The following ZNF468 variants were observed in gnomAD, a reference collection of about 807,000 sequenced individuals.
ZNF468 encodes zinc finger protein ZNF468.
Under a neutral mutation model 7.2 loss-of-function variants are expected in ZNF468, and 8 were observed. The observed-to-expected ratio is 1.11, with a 90% CI of 0.65 to 2.01. ZNF468 has a LOEUF of 2.01. Among genes scored for constraint, ZNF468 ranks in the 30% most tolerant of loss-of-function variants. The pLI, the probability that ZNF468 is intolerant of heterozygous loss-of-function variation, is 0.00. For synonymous variants in ZNF468, 218 were observed against 214.4 expected (o/e 1.02, Z -0.15); for missense variants, 608 against 626.5 (o/e 0.97, Z 0.31).
Position 52,841,668 on chromosome 19 carries a change from T to G in ZNF468, c.626A>C (p.His209Pro). ...SSLLTQKWEVHMREKSFECIQ... is the reference protein window; with the variant it reads ...SSLLTQKWEVPMREKSFECIQ... ...ACATTCAAAAGATTTTTCTCTCATG[T>G]GTACTTCCCATTTTTGTGTGAGTAA... The change falls in exon 4 of 4, where the codon CAC becomes CCC. Residue 209 changes from histidine to proline, a missense_variant. Transcript: ENST00000595646. 6.2e-7 allele frequency: 1 copy of G among 1,614,144 alleles called. No homozygotes were observed. The highest frequency in any genetic ancestry group is 8.5e-7 in the Non-Finnish European group (1 of 1,180,028).
intron 2 of ZNF468, among the ~76,000 whole-genome samples, chr19:52,851,587 T>A (rs1001306375): frequency 7.9e-5 from 12 of 150,954 alleles, no homozygotes; most frequent in South Asian, 2.1e-4. Flanking sequence ...AAATAAAAAT[T>A]AAAATTAATC....
At chr19:52,855,100 C>T (rs1168261819) in intron 1 of ZNF468, among the ~76,000 whole-genome samples, 1 of 151,730 alleles carries the variant, frequency 6.6e-6, no homozygotes, top group Non-Finnish European at 1.5e-5. Context: ...ATTGCTTGAA[C>T]CCAGGAGATA....
Position 52,840,393 on chromosome 19 carries a change from AG to A in ZNF468, c.*331del. 4.3e-6 allele frequency: 2 copies of A among 462,598 alleles called. No individual in the cohort carries two copies. The allele number at this position is 462,598 out of a possible 1,614,324, so 28.7% of individuals were successfully genotyped here. On this transcript the variant is annotated 3_prime_UTR_variant, in exon 4 of 4. Coordinates refer to ENST00000595646, the MANE Select transcript of ZNF468 (RefSeq NM_001008801.2). The stretch of plus-strand genomic sequence containing the variant: ...TGCCACACTCATTACACTTATAATG[AG>A]TTTCTCTCCAGTGTGAATTCTAGTA...
At chr19:52,853,955 A>C in intron 2 of ZNF468, 1 of 1,425,720 alleles carries the variant, frequency 7.0e-7, no homozygotes, top group Non-Finnish European at 9.1e-7. Context: ...GTGCATCCAG[A>C]TGTGGCCCCT....
At chr19:52,842,499 C>T (rs972918163) in intron 3 of ZNF468, among the ~76,000 whole-genome samples, 11 of 152,040 alleles carry the variant, frequency 7.2e-5, no homozygotes, top group Admixed American at 5.9e-4. Context: ...ATATATTCTC[C>T]ATATTTACAG....
chr19:52,853,844 C>T, intron 2 of ZNF468: 2 of 1,211,316 alleles, frequency 1.7e-6, no homozygotes, highest in South Asian at 3.6e-5. Flanking sequence ...AAGATTTTCC[C>T]TTATTGGTCT....
chr19:52,855,352 A>G (rs1358763440), intron 1 of ZNF468, among the ~76,000 whole-genome samples: 1 of 152,220 alleles, frequency 6.6e-6, no homozygotes, highest in Non-Finnish European at 1.5e-5. Flanking sequence ...TCATTTAGAA[A>G]CATTGAATAA....
At chr19:52,842,535 C>T (rs927279136) in intron 3 of ZNF468, among the ~76,000 whole-genome samples, 4 of 151,532 alleles carry the variant, frequency 2.6e-5, no homozygotes, top group African/African-American at 9.7e-5. Context: ...CAAATAAATG[C>T]TAAAGAACCA....
chr19:52,839,811 C>A lies in ZNF468; in HGVS notation c.*914G>T. The A allele has an allele frequency of 1.9e-6, 1 of 513,360 alleles. No individual in the cohort carries two copies. The highest frequency in any genetic ancestry group is 1.6e-5 in the South Asian group (1 of 62,608). 31.8% of individuals were successfully genotyped at this position (513,360 alleles called of 1,614,324 possible). A position where few individuals can be genotyped will look rare whatever the true frequency, so the allele number is the denominator to read the frequency against. On this transcript the variant is annotated 3_prime_UTR_variant, in exon 4 of 4. Transcript: ENST00000595646. ...ATAAGGTTTCTCTCCAGCATGAGTTCACCAGTGAAATGCAAGGCATGAACG... is the reference window on the plus strand; with the variant it reads ...ATAAGGTTTCTCTCCAGCATGAGTTAACCAGTGAAATGCAAGGCATGAACG...
rs572920298 is a variant in ZNF468 at position 52,839,950 on chromosome 19, T to C, written c.*775A>G. On this transcript the variant is annotated 3_prime_UTR_variant, in exon 4 of 4. Transcript: ENST00000595646. ...GAAAACTTTGTGACAATCATTACAT[T>C]AGTCAAGTTTCCCTATACCATGGAT... The C allele has an allele frequency of 2.6e-6, 3 of 1,153,186 alleles. No individual in the cohort carries two copies. Among genetic ancestry groups the C allele is most frequent in the South Asian group, 2.7e-5 (2 of 75,156 alleles). The allele number at this position is 1,153,186 out of a possible 1,614,324, so 71.4% of individuals were successfully genotyped here.
intron 3 of ZNF468, among the ~76,000 whole-genome samples, chr19:52,846,864 G>T (rs1317146828): frequency 6.6e-6 from 1 of 152,046 alleles, no homozygotes; most frequent in Non-Finnish European, 1.5e-5. Context: ...AGCTGTGCAT[G>T]GTGGTGTGCG....
intron 2 of ZNF468, chr19:52,853,829 G>A: frequency 8.4e-7 from 1 of 1,195,958 alleles, no homozygotes. Context: ...TAAAATCAGG[G>A]AGAAAAGATT....
At chr19:52,845,753 C>T (rs2063337332) in intron 3 of ZNF468, among the ~76,000 whole-genome samples, 2 of 152,100 alleles carry the variant, frequency 1.3e-5, no homozygotes, top group East Asian at 3.9e-4. Flanking sequence ...TCCTGTAATC[C>T]CAGCACTTTG....
At chr19:52,845,210 AGGAGAATTGCTTGAACCTGGGAAGT>A (rs1291252160) in intron 3 of ZNF468, 3 of 152,144 alleles carry the variant, frequency 2.0e-5, no homozygotes, top group Admixed American at 6.6e-5. Context: ...AGGCTGAGGC[AGGAGAATTGCTTGAACCTGGGAAGT>A]GGAGGTTGCA....
At chr19:52,854,074 C>G (rs755760525) in intron 2 of ZNF468, 184 bp downstream of exon 2, 2 of 1,519,608 alleles carry the variant, frequency 1.3e-6, no homozygotes, top group Non-Finnish European at 1.8e-6. Flanking sequence ...AGCCTCTTCC[C>G]AAGTTCATGA....
intron 2 of ZNF468, among the ~76,000 whole-genome samples, chr19:52,852,838 ATTTT>A (rs1208100063): frequency 6.8e-6 from 1 of 146,656 alleles, no homozygotes; most frequent in Non-Finnish European, 1.5e-5. Context: ...AATATATAAA[ATTTT>A]TTTTTAATTT....
chr19:52,848,919 T>C (rs572756707), intron 3 of ZNF468, among the ~76,000 whole-genome samples, 168 bp downstream of exon 3: 151 of 152,096 alleles, frequency 9.9e-4, no homozygotes, highest in Non-Finnish European at 1.7e-3. Context: ...ATGCAGAACA[T>C]CTAAACAAAG....
intron 2 of ZNF468, among the ~76,000 whole-genome samples, chr19:52,850,699 A>G (rs931059812): frequency 3.3e-5 from 5 of 152,012 alleles, no homozygotes; most frequent in Non-Finnish European, 7.4e-5. Flanking sequence ...GGAGATCGAG[A>G]CCATCCTGGC....
rs796963949 is a variant in ZNF468, at chr19:52,850,802, G to A, written c.16-1589C>T. 5.7e-3 allele frequency among the ~76,000 whole-genome samples: 866 copies of A among 151,900 alleles called. 8 individuals carry two copies. Among genetic ancestry groups the A allele is most frequent in the African/African-American group, 0.02 (830 of 41,370 alleles). ...TAGTCCCAGCTACTCGGGAGGCTGA[G>A]GCAGGAGAATGGCGTGAACCCGGGA... On this transcript the variant is annotated intron_variant, in intron 2 of 3. Coordinates refer to ENST00000595646, the MANE Select transcript of ZNF468 (RefSeq NM_001008801.2).
Sources: gnomAD v4.1 joint callset for allele counts (sites outside exome capture counted in the v4.1 genomes callset) on GRCh38, gnomAD v4.1.1 for gene constraint, MANE v1.5 for transcripts, NCBI Gene and HGNC (gene_info 2026-07-23, HGNC 2026-07-21) for gene names.